The following GINS1 variants were observed in gnomAD, a reference collection of about 807,000 sequenced individuals.
The protein encoded by GINS1 is GINS complex subunit 1.
GINS1 carries 26 observed loss-of-function variants against 34.9 expected under a neutral mutation model. The ratio of observed to expected loss-of-function variants is 0.74; its 90% CI spans 0.55 to 1.03. GINS1 has a LOEUF of 1.03. Ranked by LOEUF, GINS1 falls within the 50% of genes least tolerant of loss-of-function variation. GINS1 has a pLI of 0.00. For missense variants in GINS1, 235 were observed against 237.9 expected, an observed-to-expected ratio of 0.99 and a Z score of 0.08; for synonymous variants, 97 against 84.4, an observed-to-expected ratio of 1.15 and a Z score of -0.82.
chr20:25,414,792 G>A (rs1344698534), intron 2 of GINS1, among the ~76,000 whole-genome samples: 1 of 152,196 alleles, frequency 6.6e-6, no homozygotes, highest in African/African-American at 2.4e-5. Context: ...TAGTGAGTTT[G>A]TTAAAGGAAG....
In GINS1 at chr20:25,421,175, C is replaced by G. The variant is rs372856852; in HGVS notation, c.330+2980C>G. On this transcript the variant is annotated intron_variant, in intron 4 of 6. Transcript: ENST00000262460. The stretch of plus-strand genomic sequence containing the variant: ...TATCTAATCTCTCAAAGCTTCAGTC[C>G]TTCATGAATAAAAAGAAAATAATAA... Among the ~76,000 whole-genome samples, 37 of 152,218 alleles carry G rather than the reference C, an allele frequency of 2.4e-4. No individual in the cohort carries two copies. The East Asian group carries it at 7.1e-3, about 29-fold the overall frequency.
chr20:25,407,895 C>A lies in GINS1; in HGVS notation c.75C>A (p.Asn25Lys). 1 of 1,610,302 alleles carries A rather than the reference C, an allele frequency of 6.2e-7. No individual in the cohort carries two copies. Among genetic ancestry groups the A allele is most frequent in the Non-Finnish European group, 8.5e-7 (1 of 1,176,650 alleles). ...CCGAAGGGCAACTGCCTGCCTTCAA[C>A]GTGAGGGGCGGGTAGACTTGGACGG... is the stretch of plus-strand genomic sequence containing the variant. ...RAPEGQLPAFNEDGLRQVLEE... is the reference protein window; with the variant it reads ...RAPEGQLPAFKEDGLRQVLEE... The change falls in exon 1 of 7, where the codon AAC (asparagine) becomes AAA (lysine). Residue 25 changes from asparagine to lysine, a missense_variant and splice_region_variant. Physicochemically the swap from Asn to Lys is moderately conservative, Grantham distance 94. Transcript: ENST00000262460.
At chr20:25,424,586 C>T (rs538575909) in intron 4 of GINS1, among the ~76,000 whole-genome samples, 65 of 152,238 alleles carry the variant, frequency 4.3e-4, no homozygotes, top group African/African-American at 1.5e-3. Context: ...ATATTTTCAT[C>T]ACCCTACAAA....
intron 5 of GINS1, among the ~76,000 whole-genome samples, chr20:25,435,783 A>AAAC (rs1568808284): frequency 2.7e-5 from 2 of 73,942 alleles, no homozygotes; most frequent in African/African-American, 5.2e-5. Context: ...AAAAAAAAAA[A>AAAC]AAAAACCAAC....
intron 5 of GINS1, among the ~76,000 whole-genome samples, chr20:25,430,280 G>A (rs2090419749): frequency 6.6e-6 from 1 of 152,144 alleles, no homozygotes; most frequent in Non-Finnish European, 1.5e-5. Context: ...TTATTATGTT[G>A]ATGTATAGTT....
intron 4 of GINS1, among the ~76,000 whole-genome samples, chr20:25,421,527 C>A (rs1278696749): frequency 6.6e-6 from 1 of 152,072 alleles, no homozygotes; most frequent in Non-Finnish European, 1.5e-5. Flanking sequence ...ATAATAACAT[C>A]TTTTGTTTTC....
chr20:25,414,599 G>C (rs1330438381), intron 2 of GINS1, among the ~76,000 whole-genome samples: 1 of 152,112 alleles, frequency 6.6e-6, no homozygotes, highest in Non-Finnish European at 1.5e-5. Context: ...ACTCAGCAGG[G>C]TAAGGTGAGA....
In GINS1 at chr20:25,441,698, TCAGGTCCG is replaced by T; in HGVS notation, c.448-3_452del. The T allele has an allele frequency of 6.7e-7, 1 of 1,491,652 alleles. No individual in the cohort carries two copies. The highest frequency in any genetic ancestry group is 1.4e-5 in the African/African-American group (1 of 71,288). The allele number at this position is 1,491,652 out of a possible 1,614,324, so 92.4% of individuals were successfully genotyped here. A position where few individuals can be genotyped will look rare whatever the true frequency, so the allele number is the denominator to read the frequency against. ...GATAAAACATCTCTCATTTTTTCTT[TCAGGTCCG>T]GTGTCTAAAAGACTATGGAGAATTT... On this transcript the variant is annotated splice_acceptor_variant and splice_polypyrimidine_tract_variant and coding_sequence_variant and intron_variant, in exon 6 of 7. Coordinates refer to ENST00000262460, the MANE Select transcript of GINS1 (RefSeq NM_021067.5). LOFTEE classifies it high-confidence loss of function.
intron 5 of GINS1, among the ~76,000 whole-genome samples, chr20:25,427,014 A>G (rs2090395174): frequency 6.6e-6 from 1 of 152,108 alleles, no homozygotes; most frequent in Non-Finnish European, 1.5e-5. Context: ...TGGGGGGCAT[A>G]TATCCAGAGT....
chr20:25,435,614 C>T (rs566459568), intron 5 of GINS1, among the ~76,000 whole-genome samples: 6 of 151,590 alleles, frequency 4.0e-5, no homozygotes, highest in Admixed American at 6.6e-5. Context: ...AAAAATTAGC[C>T]GGGTGTGGTG....
In GINS1 at chr20:25,445,773, G is replaced by A. The variant is rs527392736; in HGVS notation, c.523-150G>A. 2.5e-4 allele frequency: 147 copies of A among 592,652 alleles called. 1 individual carries two copies. The highest frequency in any genetic ancestry group is 1.2e-3 in the Admixed American group (41 of 33,184). The allele number at this position is 592,652 out of a possible 1,614,324, so 36.7% of individuals were successfully genotyped here. Reference sequence around the variant, plus strand: ...GCTGGGATTTCAGGCATGAGCCACCGTACCCAGCCCCTTAAGTTTAACTTT... The same window carrying A: ...GCTGGGATTTCAGGCATGAGCCACCATACCCAGCCCCTTAAGTTTAACTTT... On this transcript the variant is annotated intron_variant, in intron 6 of 6. Transcript: ENST00000262460.
Position 25,418,193 on chromosome 20 carries a change from G to A in GINS1, c.328G>A (p.Glu110Lys), listed in dbSNP as rs745982521. Reference protein sequence around the residue: ...NALRFHMAAEEMEWFNNYKRS... With the variant: ...NALRFHMAAEKMEWFNNYKRS... ...ATTACGATTTCACATGGCTGCTGAA[G>A]AAGTGAGTTAGCATTGTTCAAGTTT... The change falls in exon 4 of 7, where the codon GAA becomes AAA. Residue 110 changes from glutamate to lysine, a missense_variant and splice_region_variant. Coordinates refer to ENST00000262460, the MANE Select transcript of GINS1 (RefSeq NM_021067.5). The A allele has an allele frequency of 8.0e-5, 121 of 1,517,714 alleles. No homozygotes were observed. The highest frequency in any genetic ancestry group is 1.5e-4 in the Admixed American group (9 of 59,910). The allele number at this position is 1,517,714 out of a possible 1,614,324, so 94.0% of individuals were successfully genotyped here.
intron 5 of GINS1, among the ~76,000 whole-genome samples, chr20:25,434,265 A>G (rs749001379): frequency 4.6e-5 from 7 of 152,028 alleles, no homozygotes; most frequent in Non-Finnish European, 1.0e-4. Context: ...CCTGGGCGAC[A>G]GAATGAGTCT....
intron 4 of GINS1, among the ~76,000 whole-genome samples, chr20:25,420,521 C>T (rs533038259): frequency 6.6e-6 from 1 of 152,228 alleles, no homozygotes; most frequent in Admixed American, 6.5e-5. Context: ...TTGTGAATTA[C>T]TGCAAAACTG....
At chr20:25,442,513 C>A (rs889559085) in intron 6 of GINS1, among the ~76,000 whole-genome samples, 1 of 151,938 alleles carries the variant, frequency 6.6e-6, no homozygotes, top group Non-Finnish European at 1.5e-5. Flanking sequence ...AACCACCATG[C>A]CTTAAGTAAT....
chr20:25,420,293 C>A (rs987747607), intron 4 of GINS1, among the ~76,000 whole-genome samples: 1 of 151,780 alleles, frequency 6.6e-6, no homozygotes, highest in African/African-American at 2.4e-5. Context: ...ACCACTACAC[C>A]CAGCTAATTT....
chr20:25,407,933 T>C (rs753142377), intron 1 of GINS1, 38 bp downstream of exon 1: 43 of 1,506,474 alleles, frequency 2.9e-5, no homozygotes, highest in African/African-American at 1.1e-4. Flanking sequence ...CATGCCGGCG[T>C]TGGGCCCTGG....
intron 4 of GINS1, among the ~76,000 whole-genome samples, chr20:25,422,233 C>T (rs951522125): frequency 1.3e-5 from 2 of 152,014 alleles, no homozygotes; most frequent in African/African-American, 2.4e-5. Context: ...TCCCAGTGAT[C>T]ACTACCCTCC....
At chr20:25,410,643 A>G (rs575518946) in intron 1 of GINS1, among the ~76,000 whole-genome samples, 50 of 149,192 alleles carry the variant, frequency 3.4e-4, no homozygotes, top group African/African-American at 1.0e-3. Context: ...GCTCACTGCA[A>G]CCTCCGCCTT....
Sources: gnomAD v4.1 joint callset for allele counts (sites outside exome capture counted in the v4.1 genomes callset) on GRCh38, gnomAD v4.1.1 for gene constraint, MANE v1.5 for transcripts, NCBI Gene and HGNC (gene_info 2026-07-23, HGNC 2026-07-21) for gene names.